OR11A1: variants seen among roughly 807,000 people sequenced by gnomAD.
OR11A1 encodes olfactory receptor 11A1.
For missense variants in OR11A1, 380 were observed against 378.2 expected (o/e 1.00, Z -0.04); for synonymous variants, 158 against 152.2 (o/e 1.04, Z -0.28).
In OR11A1 at chr6:29,437,742, T is replaced by C. The variant is rs182243263; in HGVS notation, c.-388-5755A>G. Reference sequence around the variant, plus strand: ...ATTTTTAGCAATAATACTACATAGGTTACACTAAGAGTGGACAAATAGCAA... The same window carrying C: ...ATTTTTAGCAATAATACTACATAGGCTACACTAAGAGTGGACAAATAGCAA... On this transcript the variant is annotated intron_variant, in intron 1 of 4. Transcript: ENST00000377149. Among the ~76,000 whole-genome samples, 181 of 152,320 alleles carry C rather than the reference T, an allele frequency of 1.2e-3. 1 individual carries two copies. The highest frequency in any genetic ancestry group is 1.2e-3 in the Non-Finnish European group (83 of 68,014).
Position 29,425,537 on chromosome 6 carries a change from TCA to T in OR11A1, c.*1155_*1156del, listed in dbSNP as rs1405230827. On this transcript the variant is annotated 3_prime_UTR_variant, in exon 5 of 5. Coordinates refer to ENST00000377149, the MANE Select transcript of OR11A1 (RefSeq NM_001394828.1). Reference sequence around the variant, plus strand: ...TGGTTTTTTAAAATGTCTTTATTAGTCACAGATTATACTAAATACATATGTGG... The same window carrying T: ...TGGTTTTTTAAAATGTCTTTATTAGTCAGATTATACTAAATACATATGTGG... The T allele has an allele frequency of 6.6e-6, 1 of 152,168 alleles. No individual in the cohort carries two copies. Among genetic ancestry groups the T allele is most frequent in the Non-Finnish European group, 1.5e-5 (1 of 68,022 alleles). The allele number at this position is 152,168 out of a possible 1,614,324, so 9.4% of individuals were successfully genotyped here.
intron 2 of OR11A1, among the ~76,000 whole-genome samples, chr6:29,430,842 A>C (rs569402155): frequency 6.6e-6 from 1 of 152,290 alleles, no homozygotes; most frequent in African/African-American, 2.4e-5. Flanking sequence ...AAATGGGAAA[A>C]ACACAGAAAC....
In OR11A1 at chr6:29,426,522, C is replaced by A; in HGVS notation, c.*172G>T. On this transcript the variant is annotated 3_prime_UTR_variant, in exon 5 of 5. Transcript: ENST00000377149. ...ACAAACCTGCACATGTACCCTTGAA[C>A]TTAAAATAAAAGTTAAAAAATTGTT... 1 of 581,566 alleles carries A rather than the reference C, an allele frequency of 1.7e-6. No individual in the cohort carries two copies. The highest frequency in any genetic ancestry group is 3.0e-6 in the Non-Finnish European group (1 of 331,288). 36.0% of individuals were successfully genotyped at this position (581,566 alleles called of 1,614,324 possible). A position where few individuals can be genotyped will look rare whatever the true frequency, so the allele number is the denominator to read the frequency against.
At position 29,430,433 on chromosome 6, in the gene OR11A1, G is replaced by T; in HGVS notation, c.-264-8C>A. On this transcript the variant is annotated splice_region_variant and splice_polypyrimidine_tract_variant and intron_variant, in intron 2 of 4. Coordinates refer to ENST00000377149, the MANE Select transcript of OR11A1 (RefSeq NM_001394828.1). ...AGTCTTTCTATAGGATTCCTGCCAG[G>T]AGAGAGGTGAGCATGTAAATCAGGC... 1.0e-6 allele frequency: 1 copy of T among 985,368 alleles called. No individual in the cohort carries two copies. The highest frequency in any genetic ancestry group is 1.2e-6 in the Non-Finnish European group (1 of 829,912). 61.0% of individuals were successfully genotyped at this position (985,368 alleles called of 1,614,324 possible). A position where few individuals can be genotyped will look rare whatever the true frequency, so the allele number is the denominator to read the frequency against.
intron 1 of OR11A1, among the ~76,000 whole-genome samples, chr6:29,448,017 T>C (rs1214723571): frequency 7.2e-6 from 1 of 139,472 alleles, no homozygotes; most frequent in African/African-American, 2.7e-5. Context: ...TTTCTTTTTT[T>C]TTTTTTTTTT....
At chr6:29,445,484 G>T (rs984580232) in intron 1 of OR11A1, among the ~76,000 whole-genome samples, 1 of 152,288 alleles carries the variant, frequency 6.6e-6, no homozygotes, top group Middle Eastern at 3.4e-3. Flanking sequence ...AAGACTCACC[G>T]GCTCACAAGG....
At chr6:29,449,854 C>A (rs890398647) in intron 1 of OR11A1, among the ~76,000 whole-genome samples, 7 of 152,122 alleles carry the variant, frequency 4.6e-5, no homozygotes, top group African/African-American at 1.7e-4. Flanking sequence ...CCAGGCTGGT[C>A]TTGAACTCCT....
At chr6:29,456,618 A>T (rs1786333539) in intron 1 of OR11A1, among the ~76,000 whole-genome samples, 1 of 152,212 alleles carries the variant, frequency 6.6e-6, no homozygotes, top group Non-Finnish European at 1.5e-5. Context: ...ATAGGTTTTG[A>T]CCAAAGAGAA....
chr6:29,437,530 C>T (rs1783730993), intron 1 of OR11A1, among the ~76,000 whole-genome samples: 1 of 142,504 alleles, frequency 7.0e-6, no homozygotes, highest in African/African-American at 3.0e-5. Context: ...ACGTAGGATC[C>T]AGTCAAAAAT....
At chr6:29,434,525 G>A (rs1783487980) in intron 1 of OR11A1, among the ~76,000 whole-genome samples, 1 of 152,074 alleles carries the variant, frequency 6.6e-6, no homozygotes. Context: ...AACCATCCTT[G>A]CATCTCAGAG....
At chr6:29,428,104 C>T (rs888697176) in intron 4 of OR11A1, 1 of 434,682 alleles carries the variant, frequency 2.3e-6, no homozygotes, top group African/African-American at 2.1e-5. Context: ...CAACCAATTC[C>T]TCTATGAGTG....
At chr6:29,455,066 AAAG>A (rs1221604318) in intron 1 of OR11A1, among the ~76,000 whole-genome samples, 4 of 152,198 alleles carry the variant, frequency 2.6e-5, no homozygotes, top group Non-Finnish European at 5.9e-5. Context: ...AAAAGCTTCT[AAAG>A]AAGAACATAA....
chr6:29,450,029 G>A (rs1359768840), intron 1 of OR11A1, among the ~76,000 whole-genome samples: 1 of 152,194 alleles, frequency 6.6e-6, no homozygotes, highest in Admixed American at 6.5e-5. Flanking sequence ...TGGTAACAGC[G>A]TGACTTAGAA....
intron 1 of OR11A1, among the ~76,000 whole-genome samples, chr6:29,444,431 A>C (rs796938470): frequency 3.9e-5 from 6 of 152,330 alleles, no homozygotes; most frequent in African/African-American, 1.4e-4. Flanking sequence ...CTACTCCGTT[A>C]CTAAAACTTT....
At position 29,426,510 on chromosome 6, in the gene OR11A1, T is replaced by TG. The variant is rs1454474466; in HGVS notation, c.*183dup. The TG allele has an allele frequency of 1.2e-5, 7 of 571,488 alleles. No individual in the cohort carries two copies. Among genetic ancestry groups the TG allele is most frequent in the Non-Finnish European group, 3.1e-6 (1 of 323,718 alleles). The allele number at this position is 571,488 out of a possible 1,614,324, so 35.4% of individuals were successfully genotyped here. A position where few individuals can be genotyped will look rare whatever the true frequency, so the allele number is the denominator to read the frequency against. ...TTTACCTATGTAACAAACCTGCACATGTACCCTTGAACTTAAAATAAAAGT... is the reference window on the plus strand; with the variant it reads ...TTTACCTATGTAACAAACCTGCACATGGTACCCTTGAACTTAAAATAAAAGT... On this transcript the variant is annotated 3_prime_UTR_variant, in exon 5 of 5. Coordinates refer to ENST00000377149, the MANE Select transcript of OR11A1 (RefSeq NM_001394828.1).
At chr6:29,438,627 T>C (rs188200016) in intron 1 of OR11A1, among the ~76,000 whole-genome samples, 47 of 152,344 alleles carry the variant, frequency 3.1e-4, no homozygotes, top group Non-Finnish European at 6.3e-4. Flanking sequence ...GATATATTCT[T>C]TGAAATGTTC....
intron 1 of OR11A1, chr6:29,439,690 A>G (rs1427036204): frequency 5.4e-6 from 2 of 368,618 alleles, no homozygotes; most frequent in Non-Finnish European, 9.7e-6. Context: ...AGGGAGCTAG[A>G]CTGACTTAAT....
intron 1 of OR11A1, among the ~76,000 whole-genome samples, chr6:29,454,925 A>G (rs923270269): frequency 6.6e-6 from 1 of 151,810 alleles, no homozygotes. Context: ...CTTTTGGCTA[A>G]GATCAAGTGT....
chr6:29,439,647 C>T (rs1477717025), intron 1 of OR11A1: 2 of 233,528 alleles, frequency 8.6e-6, no homozygotes, highest in Non-Finnish European at 1.6e-5. Context: ...TCCAGCCCTG[C>T]AGGAAGAATT....
Sources: allele counts gnomAD v4.1 joint callset (sites outside exome capture counted in the v4.1 genomes callset), GRCh38; gene constraint gnomAD v4.1.1; transcripts MANE v1.5; gene names NCBI Gene and HGNC (gene_info 2026-07-23, HGNC 2026-07-21).